Variants in C14orf39 observed in about 807,000 individuals in gnomAD.
The protein encoded by C14orf39 is chromosome 14 open reading frame 39.
C14orf39 carries 66 observed loss-of-function variants against 85.6 expected under a neutral mutation model. The ratio of observed to expected loss-of-function variants is 0.77; its 90% CI spans 0.63 to 0.95. C14orf39 has a LOEUF of 0.95. Among genes scored for constraint, C14orf39 ranks in the 40% least tolerant of loss-of-function variants. C14orf39 has a pLI of 0.00. For missense variants in C14orf39, 735 were observed against 663.9 expected (o/e 1.11, Z -1.18); for synonymous variants, 242 against 214.0 (o/e 1.13, Z -1.14).
chr14:60,468,789 A>G (rs1457153373), intron 8 of C14orf39, among the ~76,000 whole-genome samples: 1 of 151,584 alleles, frequency 6.6e-6, no homozygotes, highest in Non-Finnish European at 1.5e-5. Flanking sequence ...AGATAATTAT[A>G]AGCAAAGTAG....
intron 1 of C14orf39, chr14:60,511,022 G>T (rs960566447): frequency 6.5e-7 from 1 of 1,546,464 alleles, no homozygotes; most frequent in Non-Finnish European, 8.8e-7. Flanking sequence ...AGGAGGTGGT[G>T]GGGGCGGGCG....
At position 60,483,882 on chromosome 14, in the gene C14orf39, A is replaced by G. The variant is rs567093633; in HGVS notation, c.107-65T>C. ...ATAAGTTCAAAATAAACAAATAGAG[A>G]AAAAAAATGGGTATGGCAGCTTACC... On this transcript the variant is annotated intron_variant, in intron 3 of 17. Coordinates refer to ENST00000321731, the MANE Select transcript of C14orf39 (RefSeq NM_174978.3). The G allele has an allele frequency of 4.9e-5, 55 of 1,132,920 alleles. No homozygotes were observed. In the African/African-American group the frequency reaches 7.6e-4, roughly 16 times the overall value. The allele number at this position is 1,132,920 out of a possible 1,614,324, so 70.2% of individuals were successfully genotyped here.
At chr14:60,485,387 C>G (rs1484071998) in intron 1 of C14orf39, among the ~76,000 whole-genome samples, 2 of 152,194 alleles carry the variant, frequency 1.3e-5, no homozygotes, top group Admixed American at 1.3e-4. Context: ...TCCGGATCTT[C>G]CAGGGTTCAC....
chr14:60,459,656 A>G (rs534377549), intron 13 of C14orf39, among the ~76,000 whole-genome samples: 1 of 151,734 alleles, frequency 6.6e-6, no homozygotes, highest in South Asian at 2.1e-4. Context: ...GTATTGTCAG[A>G]CTTTTTTAAT....
intron 5 of C14orf39, among the ~76,000 whole-genome samples, chr14:60,475,996 G>C (rs575337710): frequency 6.6e-6 from 1 of 152,250 alleles, no homozygotes; most frequent in South Asian, 2.1e-4. Flanking sequence ...CTGCACACAT[G>C]AGAAGAAAAG....
In C14orf39 at chr14:60,448,355, AT is replaced by A. The variant is rs1890876878; in HGVS notation, c.1504-6225del. On this transcript the variant is annotated intron_variant, in intron 16 of 17. Transcript: ENST00000321731. Reference sequence around the variant, plus strand: ...CTTAAACAAATTTATAAGAAAAAAAATAAAAAAGTGGGCAAAGGATATGAAG... The same window carrying A: ...CTTAAACAAATTTATAAGAAAAAAAAAAAAAAGTGGGCAAAGGATATGAAG... Among the ~76,000 whole-genome samples, 4 of 151,464 alleles carry A rather than the reference AT, an allele frequency of 2.6e-5. No homozygotes were observed. The South Asian group carries it at 8.3e-4, about 32-fold the overall frequency.
rs555611484 is a variant in C14orf39, at chr14:60,474,622, T to C, written c.324-2883A>G. Among the ~76,000 whole-genome samples the C allele has an allele frequency of 1.2e-3, 179 of 152,294 alleles. No individual in the cohort carries two copies. In the Middle Eastern group the frequency reaches 0.014, roughly 12 times the overall value. ...GTTTTTAGCATGAAGCGTTGTTGAA[T>C]TTTATCAAAGGCCTTTTCTGCACCT... On this transcript the variant is annotated intron_variant, in intron 5 of 17. Coordinates refer to ENST00000321731, the MANE Select transcript of C14orf39 (RefSeq NM_174978.3).
chr14:60,471,008 C>G (rs1892046914), intron 7 of C14orf39, among the ~76,000 whole-genome samples: 1 of 151,934 alleles, frequency 6.6e-6, no homozygotes, highest in Non-Finnish European at 1.5e-5. Context: ...TGGAAGAGAG[C>G]TCTGTATCGT....
intron 10 of C14orf39, 63 bp from the exon 11 acceptor site, chr14:60,466,118 A>C: frequency 1.5e-6 from 1 of 673,598 alleles, no homozygotes; most frequent in Non-Finnish European, 2.3e-6. Flanking sequence ...ATCTTCCCCA[A>C]TGTTTAACCT....
At chr14:60,446,294 G>C (rs561061578) in intron 16 of C14orf39, among the ~76,000 whole-genome samples, 2 of 152,178 alleles carry the variant, frequency 1.3e-5, no homozygotes, top group African/African-American at 2.4e-5. Flanking sequence ...AAAATTGATA[G>C]ACTGCTAGCA....
intron 16 of C14orf39, among the ~76,000 whole-genome samples, chr14:60,442,724 T>C (rs764220514): frequency 6.6e-6 from 1 of 152,168 alleles, no homozygotes; most frequent in Non-Finnish European, 1.5e-5. Context: ...ATGTAAGTTG[T>C]CCCAACTTTG....
intron 13 of C14orf39, among the ~76,000 whole-genome samples, chr14:60,460,191 G>C (rs1891454775): frequency 6.6e-6 from 1 of 151,764 alleles, no homozygotes; most frequent in Admixed American, 6.6e-5. Flanking sequence ...TTCATTCTTG[G>C]GTATGAAGCC....
At chr14:60,447,851 G>A (rs145300813) in intron 16 of C14orf39, among the ~76,000 whole-genome samples, 4 of 152,210 alleles carry the variant, frequency 2.6e-5, no homozygotes, top group African/African-American at 9.6e-5. Flanking sequence ...CAGACATATA[G>A]ACCAATGAAA....
intron 2 of C14orf39, chr14:60,496,060 A>G: frequency 1.3e-6 from 1 of 779,914 alleles, no homozygotes; most frequent in Non-Finnish European, 2.0e-6. Flanking sequence ...GCTTGTTTCA[A>G]GGCATCCAGA....
chr14:60,479,787 CATAA>C (rs1566679577), intron 4 of C14orf39, among the ~76,000 whole-genome samples: 2 of 152,110 alleles, frequency 1.3e-5, no homozygotes, highest in African/African-American at 4.8e-5. Context: ...TTCCCATATC[CATAA>C]ATATACACCT....
At chr14:60,442,015 T>TA in intron 17 of C14orf39, 59 bp downstream of exon 17, 1 of 1,191,550 alleles carries the variant, frequency 8.4e-7, no homozygotes, top group Non-Finnish European at 1.2e-6. Context: ...TTAGAGAAAC[T>TA]AAATACTGTA....
Position 60,483,469 on chromosome 14 carries a change from G to A in C14orf39, c.233+222C>T, listed in dbSNP as rs555772875. 7.2e-5 allele frequency among the ~76,000 whole-genome samples: 11 copies of A among 152,260 alleles called. 2 individuals are homozygous for A. The highest frequency in any genetic ancestry group is 2.6e-4 in the African/African-American group (11 of 41,554). ...TACTGAGCTTATTCAAAAGTTTATA[G>A]TTAGATTAAGTGGATCTGAATTAGT... On this transcript the variant is annotated intron_variant, in intron 4 of 17. Coordinates refer to ENST00000321731, the MANE Select transcript of C14orf39 (RefSeq NM_174978.3).
chr14:60,509,275 A>C, intron 1 of C14orf39: 1 of 828,830 alleles, frequency 1.2e-6, no homozygotes, highest in Non-Finnish European at 2.0e-6. Flanking sequence ...GCCACCCGGT[A>C]GTGTGTCCCG....
chr14:60,455,023 T>C lies in C14orf39; in HGVS notation c.1481A>G (p.Asp494Gly). The C allele has an allele frequency of 1.9e-6, 3 of 1,559,818 alleles. No homozygotes were observed. The South Asian group carries it at 3.7e-5, about 19-fold the overall frequency. Residue 494 changes from aspartate to glycine, a missense_variant, in exon 16 of 18, where the codon GAT (aspartate) becomes GGT (glycine). Physicochemically the swap from Asp to Gly is moderately conservative, Grantham distance 94. Transcript: ENST00000321731. ...GLNLFDSSVF[D>G]TEISSDQFNE... The stretch of plus-strand genomic sequence containing the variant: ...TACCTGATCTGATGAGATTTCTGTA[T>C]CAAATACAGAAGAATCAAATAAATT...
Sources: allele counts gnomAD v4.1 joint callset (sites outside exome capture counted in the v4.1 genomes callset), GRCh38; gene constraint gnomAD v4.1.1; transcripts MANE v1.5; gene names NCBI Gene and HGNC (gene_info 2026-07-23, HGNC 2026-07-21).